Variants in TOGARAM1 observed in about 807,000 individuals in gnomAD.
TOGARAM1 encodes the protein TOG array regulator of axonemal microtubules protein 1.
A neutral mutation model predicts 166.6 loss-of-function variants in TOGARAM1; 100 were observed. The ratio of observed to expected loss-of-function variants is 0.60; its 90% confidence interval spans 0.51 to 0.71. The LOEUF is 0.71. TOGARAM1 is among the 30% of genes least tolerant of loss of function. The pLI, the probability that TOGARAM1 is intolerant of heterozygous loss-of-function variation, is 0.00. For synonymous variants in TOGARAM1, 758 were observed against 763.8 expected, an observed-to-expected ratio of 0.99 and a Z score of 0.13; for missense variants, 2,029 against 2,102.7, an observed-to-expected ratio of 0.96 and a Z score of 0.69.
intron 5 of TOGARAM1, chr14:45,008,203 A>G (rs1236871030): frequency 6.6e-6 from 1 of 151,284 alleles, no homozygotes; most frequent in African/African-American, 2.4e-5. Flanking sequence ...GCTAGTCTTA[A>G]TATATTTTGC....
chr14:45,005,902 T>C, intron 4 of TOGARAM1, 106 bp from the exon 5 acceptor site: 1 of 941,074 alleles, frequency 1.1e-6, no homozygotes, highest in Non-Finnish European at 1.5e-6. Context: ...CCAGCTATAA[T>C]GTGCTTTTTT....
rs1277883410 is a variant in TOGARAM1, at chr14:44,964,070, T to C, written c.1649T>C (p.Phe550Ser). The change falls in exon 1 of 20, where the codon TTT becomes TCT. Residue 550 changes from phenylalanine (F) to serine (S), a missense_variant. Phe to Ser is a radical substitution (Grantham distance 155). Transcript: ENST00000361462. ...SMGSGKTSIL[F>S]KAVDTVELQD... Reference sequence around the variant, plus strand: ...GGCTCAGGTAAAACCAGCATCCTTTTTAAAGCTGTGGATACAGTTGAACTG... The same window carrying C: ...GGCTCAGGTAAAACCAGCATCCTTTCTAAAGCTGTGGATACAGTTGAACTG... 1.9e-6 allele frequency: 3 copies of C among 1,613,986 alleles called. No individual in the cohort carries two copies. Among genetic ancestry groups the C allele is most frequent in the Non-Finnish European group, 2.5e-6 (3 of 1,179,950 alleles).
chr14:44,967,978 T>C (rs1205572205), intron 1 of TOGARAM1, among the ~76,000 whole-genome samples: 1 of 152,220 alleles, frequency 6.6e-6, no homozygotes, highest in African/African-American at 2.4e-5. Context: ...AAGTCTGAGA[T>C]GTCAGTGTAT....
At chr14:45,014,043 C>CT (rs33935090) in intron 7 of TOGARAM1, among the ~76,000 whole-genome samples, 5,586 of 127,838 alleles carry the variant, frequency 0.044, 281 homozygotes, top group East Asian at 0.11. Flanking sequence ...GTTGCGTAAT[C>CT]TTTTTTTTTT....
intron 1 of TOGARAM1, among the ~76,000 whole-genome samples, chr14:44,992,390 G>C (rs956658537): frequency 6.6e-6 from 1 of 151,910 alleles, no homozygotes; most frequent in African/African-American, 2.4e-5. Context: ...AAGGTGAAAG[G>C]TTCAAAAACT....
At position 44,984,134 on chromosome 14, in the gene TOGARAM1, G is replaced by A. The variant is rs184200439; in HGVS notation, c.2047-11612G>A. Among the ~76,000 whole-genome samples the A allele has an allele frequency of 2.0e-3, 304 of 152,222 alleles. 2 individuals carry two copies. Among genetic ancestry groups the A allele is most frequent in the African/African-American group, 6.4e-3 (266 of 41,576 alleles). ...TGTTATTACCTTAACATATGATTAT[G>A]AGATATGTGTCTACAGATAAATGTT... On this transcript the variant is annotated intron_variant, in intron 1 of 19. Transcript: ENST00000361462.
chr14:44,988,524 CA>C, intron 1 of TOGARAM1, among the ~76,000 whole-genome samples: 1 of 152,074 alleles, frequency 6.6e-6, no homozygotes, highest in Non-Finnish European at 1.5e-5. Flanking sequence ...AAGCAGGTAC[CA>C]AACTATTAGG....
At chr14:45,003,564 A>G (rs1041687582) in intron 3 of TOGARAM1, among the ~76,000 whole-genome samples, 1 of 152,172 alleles carries the variant, frequency 6.6e-6, no homozygotes, top group African/African-American at 2.4e-5. Flanking sequence ...TTTTAAGAGC[A>G]TTACCTAAAA....
At chr14:44,975,874 A>G (rs1225018834) in intron 1 of TOGARAM1, among the ~76,000 whole-genome samples, 1 of 151,698 alleles carries the variant, frequency 6.6e-6, no homozygotes, top group Non-Finnish European at 1.5e-5. Flanking sequence ...CCTTGTTAAC[A>G]ATATAAGAAT....
chr14:44,963,826 C>T lies in TOGARAM1; in HGVS notation c.1405C>T (p.Gln469Ter). The change falls in exon 1 of 20, where the codon CAG (glutamine) becomes TAG (stop). Residue 469 changes from glutamine to a stop codon, truncating the protein, a stop_gained. Coordinates refer to ENST00000361462, the MANE Select transcript of TOGARAM1 (RefSeq NM_001308120.2). LOFTEE classifies it high-confidence loss of function. ...CAAGCTAATGAAGGAAGTAGGACCTCAGCAGGTGCTTTGTTTACTCCTGGA... is the reference window on the plus strand; with the variant it reads ...CAAGCTAATGAAGGAAGTAGGACCTTAGCAGGTGCTTTGTTTACTCCTGGA... ...FLKLMKEVGP[Q>*]QVLCLLLEHL... 2 of 1,614,182 alleles carry T rather than the reference C, an allele frequency of 1.2e-6. No homozygotes were observed. The highest frequency in any genetic ancestry group is 1.7e-6 in the Non-Finnish European group (2 of 1,180,018).
chr14:45,013,177 A>G (rs962052456), intron 7 of TOGARAM1, among the ~76,000 whole-genome samples: 15 of 152,190 alleles, frequency 9.9e-5, no homozygotes, highest in African/African-American at 3.6e-4. Flanking sequence ...GATGAAATCT[A>G]GAATCCATAC....
Position 45,009,020 on chromosome 14 carries a change from C to T in TOGARAM1, c.3012C>T (p.Asp1004=). 6.2e-7 allele frequency: 1 copy of T among 1,614,134 alleles called. No homozygotes were observed. Among genetic ancestry groups the T allele is most frequent in the Non-Finnish European group, 8.5e-7 (1 of 1,180,000 alleles). Residue 1004 remains aspartate (D), a synonymous_variant, in exon 6 of 20, where the codon GAC becomes GAT. Transcript: ENST00000361462. ...GCCCTGATTCTGCAATGAAGCTCGA[C>T]TTGACGATGGACTCCCCGTCTCTGT... ...LESPDSAMKL[D]LTMDSPSLSS...
intron 1 of TOGARAM1, among the ~76,000 whole-genome samples, chr14:44,983,291 TA>T (rs1358152888): frequency 6.6e-6 from 1 of 152,156 alleles, no homozygotes; most frequent in Non-Finnish European, 1.5e-5. Context: ...TCTCTGAAGT[TA>T]AAGGAAAAAC....
rs1374671696 is a variant in TOGARAM1 at position 45,025,928 on chromosome 14, G to A, written c.3328+56G>A. 3 of 878,218 alleles carry A rather than the reference G, an allele frequency of 3.4e-6. No individual in the cohort carries two copies. The East Asian group carries it at 7.6e-5, about 22-fold the overall frequency. The allele number at this position is 878,218 out of a possible 1,614,324, so 54.4% of individuals were successfully genotyped here. On this transcript the variant is annotated intron_variant, in intron 8 of 19. Transcript: ENST00000361462. The stretch of plus-strand genomic sequence containing the variant: ...TATGTATTCATCATATAGAAGCAAA[G>A]CCTATCAATAAGGAATAGAAAAGAA...
At chr14:45,011,461 C>T (rs1191711160) in intron 6 of TOGARAM1, among the ~76,000 whole-genome samples, 2 of 151,992 alleles carry the variant, frequency 1.3e-5, no homozygotes, top group Admixed American at 1.3e-4. Flanking sequence ...TACAGGTGTG[C>T]ACCGCCATGC....
chr14:45,063,479 G>GTTTTTTTTTTTTTTTTTTT (rs373702236), intron 16 of TOGARAM1, among the ~76,000 whole-genome samples: 19 of 118,688 alleles, frequency 1.6e-4, no homozygotes, highest in African/African-American at 4.7e-4. Context: ...ATTTGACAAA[G>GTTTTTTTTTTTTTTTTTTT]TTTTTTTTTT....
intron 7 of TOGARAM1, among the ~76,000 whole-genome samples, chr14:45,013,621 C>T (rs575178043): frequency 2.0e-5 from 3 of 152,322 alleles, no homozygotes; most frequent in South Asian, 4.1e-4. Flanking sequence ...CATCTGACAA[C>T]ATAAACCTTG....
chr14:45,011,345 C>T (rs146149204), intron 6 of TOGARAM1, among the ~76,000 whole-genome samples: 265 of 152,290 alleles, frequency 1.7e-3, no homozygotes, highest in African/African-American at 6.2e-3. Context: ...CAAGGTCTCA[C>T]TGTGTCACTC....
intron 11 of TOGARAM1, among the ~76,000 whole-genome samples, chr14:45,035,417 C>CA (rs1157621764): frequency 6.6e-6 from 1 of 150,752 alleles, no homozygotes; most frequent in Non-Finnish European, 1.5e-5. Context: ...AAAAAAAGTC[C>CA]AAAAAATCTG....
Sources: allele counts gnomAD v4.1 joint callset (sites outside exome capture counted in the v4.1 genomes callset), GRCh38; gene constraint gnomAD v4.1.1; transcripts MANE v1.5; gene names NCBI Gene and HGNC (gene_info 2026-07-23, HGNC 2026-07-21).